PCDH9: variants seen among roughly 807,000 people sequenced by gnomAD.
PCDH9 encodes the protein protocadherin 9.
Under a neutral mutation model 70.6 loss-of-function variants are expected in PCDH9, and 24 were observed. The ratio of observed to expected loss-of-function variants is 0.34; its 90% CI spans 0.25 to 0.48. The LOEUF (loss-of-function observed/expected upper bound fraction) is 0.48. Ranked by LOEUF, PCDH9 falls within the 20% of genes least tolerant of loss-of-function variation. PCDH9 has a pLI of 0.99. For synonymous variants in PCDH9, 562 were observed against 558.5 expected (o/e 1.01, Z -0.09); for missense variants, 1,281 against 1,503.6 (o/e 0.85, Z 2.45).
intron 3 of PCDH9, among the ~76,000 whole-genome samples, chr13:66,733,052 T>C (rs556400327): frequency 3.9e-5 from 6 of 152,214 alleles, no homozygotes; most frequent in African/African-American, 1.4e-4. Context: ...CAGCAACAAG[T>C]GTTGGGTCCA....
intron 2 of PCDH9, among the ~76,000 whole-genome samples, chr13:66,943,714 A>G (rs1209321935): frequency 6.6e-6 from 1 of 152,038 alleles, no homozygotes; most frequent in Non-Finnish European, 1.5e-5. Flanking sequence ...AAAAAAAAGG[A>G]ATGTCTCTTA....
chr13:66,393,609 T>A (rs1188422104), intron 4 of PCDH9, among the ~76,000 whole-genome samples: 1 of 152,208 alleles, frequency 6.6e-6, no homozygotes, highest in Non-Finnish European at 1.5e-5. Flanking sequence ...ATGCTGAATA[T>A]ATATTTATTA....
intron 4 of PCDH9, among the ~76,000 whole-genome samples, chr13:66,558,198 T>C (rs1170774449): frequency 1.3e-5 from 2 of 152,148 alleles, no homozygotes; most frequent in Admixed American, 1.3e-4. Flanking sequence ...CACTATTTCT[T>C]TCACATTCAT....
chr13:67,223,601 T>A (rs571206385), intron 2 of PCDH9: 5 of 152,278 alleles, frequency 3.3e-5, no homozygotes, highest in Admixed American at 2.6e-4. Context: ...TTTCATAAAT[T>A]ACTTTTCTTA....
intron 2 of PCDH9, among the ~76,000 whole-genome samples, chr13:66,910,674 C>T (rs1246146766): frequency 1.3e-5 from 2 of 152,014 alleles, no homozygotes; most frequent in African/African-American, 4.8e-5. Flanking sequence ...CTTTTATATG[C>T]TATTCCAAGA....
At chr13:67,076,572 T>C (rs1433281760) in intron 2 of PCDH9, among the ~76,000 whole-genome samples, 2 of 152,154 alleles carry the variant, frequency 1.3e-5, no homozygotes, top group Non-Finnish European at 2.9e-5. Flanking sequence ...ATGTGGGCTC[T>C]CTGTCAGGAA....
intron 3 of PCDH9, among the ~76,000 whole-genome samples, chr13:66,805,952 GA>G (rs1011181802): frequency 1.3e-5 from 2 of 151,634 alleles, no homozygotes; most frequent in Admixed American, 6.6e-5. Context: ...ATCAACTCTA[GA>G]AAAAAAACAT....
At chr13:66,638,849 C>G (rs1157921337) in intron 3 of PCDH9, among the ~76,000 whole-genome samples, 1 of 152,144 alleles carries the variant, frequency 6.6e-6, no homozygotes, top group East Asian at 1.9e-4. Context: ...GAGCCCTGCC[C>G]TGTTTTAGAA....
intron 3 of PCDH9, among the ~76,000 whole-genome samples, chr13:66,778,974 C>A (rs1005693677): frequency 6.6e-6 from 1 of 152,118 alleles, no homozygotes; most frequent in Non-Finnish European, 1.5e-5. Context: ...TTCACATTTT[C>A]TCATATTCAT....
chr13:67,192,602 T>C, intron 2 of PCDH9, among the ~76,000 whole-genome samples: 1 of 152,138 alleles, frequency 6.6e-6, no homozygotes, highest in East Asian at 1.9e-4. Context: ...GGGGGTGGTA[T>C]TAGAAATGTA....
chr13:66,484,436 G>A (rs1459407302), intron 4 of PCDH9, among the ~76,000 whole-genome samples: 4 of 152,178 alleles, frequency 2.6e-5, no homozygotes, highest in Admixed American at 1.3e-4. Flanking sequence ...CACACCGTGC[G>A]AGGGCGATAA....
At chr13:66,773,931 C>T (rs1268770420) in intron 3 of PCDH9, among the ~76,000 whole-genome samples, 2 of 151,614 alleles carry the variant, frequency 1.3e-5, no homozygotes, top group South Asian at 2.1e-4. Context: ...GAAACTGCCA[C>T]CAAGCCCGGC....
intron 4 of PCDH9, among the ~76,000 whole-genome samples, chr13:66,395,651 C>T (rs947141472): frequency 7.9e-5 from 12 of 151,766 alleles, no homozygotes; most frequent in African/African-American, 2.7e-4. Flanking sequence ...AAACTGAGTT[C>T]GTACAGTACC....
chr13:67,060,036 T>G (rs2085507216), intron 2 of PCDH9, among the ~76,000 whole-genome samples: 1 of 152,152 alleles, frequency 6.6e-6, no homozygotes, highest in Admixed American at 6.6e-5. Flanking sequence ...CAGAGAGACC[T>G]GGATAAGAAT....
intron 3 of PCDH9, among the ~76,000 whole-genome samples, chr13:66,792,851 C>A (rs997623124): frequency 3.1e-4 from 47 of 152,004 alleles, no homozygotes; most frequent in Non-Finnish European, 6.3e-4. Flanking sequence ...GGATAGTGTG[C>A]CAAAACAGAT....
intron 2 of PCDH9, among the ~76,000 whole-genome samples, chr13:66,955,126 C>T (rs1229736841): frequency 6.6e-6 from 1 of 152,134 alleles, no homozygotes; most frequent in African/African-American, 2.4e-5. Flanking sequence ...GACTATTCAC[C>T]ATCTGATTAC....
In PCDH9 at chr13:66,391,606, G is replaced by C. The variant is rs542578187; in HGVS notation, c.3341-86578C>G. 1.5e-3 allele frequency among the ~76,000 whole-genome samples: 234 copies of C among 152,110 alleles called. 1 individual carries two copies. Among genetic ancestry groups the C allele is most frequent in the African/African-American group, 5.4e-3 (222 of 41,484 alleles). Reference sequence around the variant, plus strand: ...GCAAGAAGTCTATGCTCATTTCTTGGTATCATGAATTGCAATTTTTCCCCC... The same window carrying C: ...GCAAGAAGTCTATGCTCATTTCTTGCTATCATGAATTGCAATTTTTCCCCC... On this transcript the variant is annotated intron_variant, in intron 4 of 4. Coordinates refer to ENST00000377865, the MANE Select transcript of PCDH9 (RefSeq NM_203487.3).
At chr13:66,809,956 T>C (rs2080474733) in intron 3 of PCDH9, among the ~76,000 whole-genome samples, 1 of 152,064 alleles carries the variant, frequency 6.6e-6, no homozygotes, top group African/African-American at 2.4e-5. Context: ...ACTCCAGTAT[T>C]GAAAAATACA....
intron 2 of PCDH9, among the ~76,000 whole-genome samples, chr13:67,198,016 CAT>C (rs1224030024): frequency 2.0e-5 from 3 of 151,218 alleles, no homozygotes; most frequent in African/African-American, 4.8e-5. Context: ...AAAAATAAAA[CAT>C]AATTTTATTA....
Sources: allele counts gnomAD v4.1 joint callset (sites outside exome capture counted in the v4.1 genomes callset), GRCh38; gene constraint gnomAD v4.1.1; transcripts MANE v1.5; gene names NCBI Gene and HGNC (gene_info 2026-07-23, HGNC 2026-07-21).